The following FGF14 variants were observed in gnomAD, a reference collection of about 807,000 sequenced individuals.
FGF14 encodes the protein fibroblast growth factor homologous factor 4.
Under a neutral mutation model 25.5 loss-of-function variants are expected in FGF14, and 5 were observed. That is an observed-to-expected ratio of 0.20 (90% CI 0.10 to 0.41). The LOEUF is 0.41. FGF14 is among the 10% of genes least tolerant of loss of function. FGF14 has a pLI of 1.00. For missense variants in FGF14, 222 were observed against 320.1 expected, an observed-to-expected ratio of 0.69 and a Z score of 2.34; for synonymous variants, 138 against 118.3, an observed-to-expected ratio of 1.17 and a Z score of -1.08.
intron 1 of FGF14, among the ~76,000 whole-genome samples, chr13:101,897,810 C>T (rs1419335607): frequency 6.6e-6 from 1 of 152,188 alleles, no homozygotes; most frequent in Non-Finnish European, 1.5e-5. Context: ...GCTCCAAAAT[C>T]TGAAACTTCT....
At chr13:101,821,184 G>A (rs561020165) in intron 3 of FGF14, among the ~76,000 whole-genome samples, 2 of 152,086 alleles carry the variant, frequency 1.3e-5, no homozygotes, top group Non-Finnish European at 2.9e-5. Flanking sequence ...TCCTGACCTC[G>A]TGATCCACCC....
At chr13:101,828,056 A>G (rs1247080381) in intron 3 of FGF14, among the ~76,000 whole-genome samples, 1 of 152,054 alleles carries the variant, frequency 6.6e-6, no homozygotes, top group Admixed American at 6.6e-5. Context: ...AGTCATTCAA[A>G]TAAATAATTT....
chr13:102,325,813 A>ACT (rs111490986), intron 1 of FGF14, among the ~76,000 whole-genome samples: 6,281 of 152,254 alleles, frequency 0.041, 450 homozygotes, highest in African/African-American at 0.14. Flanking sequence ...GAAGGCACAG[A>ACT]ATTTTGCCTT....
At chr13:101,987,511 A>T (rs1043054140) in intron 1 of FGF14, among the ~76,000 whole-genome samples, 14 of 152,154 alleles carry the variant, frequency 9.2e-5, no homozygotes, top group African/African-American at 2.9e-4. Context: ...TTTCTAAAAC[A>T]TAGCAAGTTT....
intron 3 of FGF14, among the ~76,000 whole-genome samples, chr13:101,835,153 A>C (rs929598814): frequency 1.3e-5 from 2 of 152,066 alleles, no homozygotes; most frequent in Non-Finnish European, 2.9e-5. Flanking sequence ...AGATTGATAC[A>C]TTGGAGTTGG....
At chr13:101,981,082 AACACAC>A (rs58666555) in intron 1 of FGF14, among the ~76,000 whole-genome samples, 2,565 of 123,728 alleles carry the variant, frequency 0.021, 35 homozygotes, top group Middle Eastern at 0.045. Context: ...TCTCTACTAA[AACACAC>A]ACACACACAC....
At chr13:102,085,156 A>G (rs968610049) in intron 1 of FGF14, among the ~76,000 whole-genome samples, 1 of 152,050 alleles carries the variant, frequency 6.6e-6, no homozygotes, top group African/African-American at 2.4e-5. Flanking sequence ...TACTTTTTTG[A>G]TCAGTAAAAT....
chr13:102,193,477 A>T (rs964870957), intron 1 of FGF14, among the ~76,000 whole-genome samples: 1 of 152,168 alleles, frequency 6.6e-6, no homozygotes, highest in Non-Finnish European at 1.5e-5. Flanking sequence ...GACACCTGAA[A>T]AGGTCCTAAT....
intron 1 of FGF14, among the ~76,000 whole-genome samples, chr13:101,989,370 G>C (rs998828840): frequency 6.6e-6 from 1 of 152,108 alleles, no homozygotes; most frequent in Admixed American, 6.5e-5. Flanking sequence ...TTATCCATGA[G>C]TTTTTAGTTT....
chr13:101,755,007 C>G (rs1854307), intron 3 of FGF14, among the ~76,000 whole-genome samples: 121,455 of 152,018 alleles, frequency 0.8, 48,949 homozygotes, highest in East Asian at 0.96. Flanking sequence ...AACATTGTTG[C>G]AAGAAAACAG....
intron 1 of FGF14, among the ~76,000 whole-genome samples, chr13:102,043,778 G>C (rs1207007199): frequency 6.6e-6 from 1 of 152,028 alleles, no homozygotes; most frequent in Non-Finnish European, 1.5e-5. Context: ...TTGATCTTGG[G>C]CAAGCCATTT....
At chr13:101,999,069 A>G (rs752332156) in intron 1 of FGF14, among the ~76,000 whole-genome samples, 4 of 152,218 alleles carry the variant, frequency 2.6e-5, no homozygotes, top group Admixed American at 6.5e-5. Context: ...AAATGCTAAG[A>G]CTAGGGAGAG....
chr13:101,729,748 A>T (rs1566827040), intron 3 of FGF14, among the ~76,000 whole-genome samples: 1 of 58,492 alleles, frequency 1.7e-5, no homozygotes, highest in Non-Finnish European at 3.3e-5. Context: ...AATTCTGTGA[A>T]AATCTCACCA....
intron 3 of FGF14, among the ~76,000 whole-genome samples, chr13:101,819,953 C>T (rs910765578): frequency 2.6e-5 from 4 of 152,132 alleles, no homozygotes; most frequent in African/African-American, 9.7e-5. Context: ...ACATGAGCCT[C>T]AACATTATAC....
At chr13:102,371,571 A>C (rs1472697378) in intron 1 of FGF14, among the ~76,000 whole-genome samples, 1 of 152,100 alleles carries the variant, frequency 6.6e-6, no homozygotes, top group African/African-American at 2.4e-5. Context: ...GTTGCATTAT[A>C]ATGTCAATAT....
chr13:102,385,005 A>G (rs1363485924), intron 1 of FGF14, among the ~76,000 whole-genome samples: 1 of 152,262 alleles, frequency 6.6e-6, no homozygotes, highest in Non-Finnish European at 1.5e-5. Context: ...TTAGGAGACT[A>G]TAAGGTAAAA....
At chr13:102,070,643 T>G (rs2043115709) in intron 1 of FGF14, among the ~76,000 whole-genome samples, 2 of 152,218 alleles carry the variant, frequency 1.3e-5, no homozygotes, top group Admixed American at 1.3e-4. Flanking sequence ...GTGTCCATCA[T>G]CAGATGAATG....
intron 1 of FGF14, among the ~76,000 whole-genome samples, chr13:102,018,280 T>C (rs1417012342): frequency 6.6e-6 from 1 of 152,154 alleles, no homozygotes; most frequent in Non-Finnish European, 1.5e-5. Context: ...GTACACCACC[T>C]GGTGTTTCAC....
chr13:102,053,437 C>A (rs1289442785), intron 1 of FGF14, among the ~76,000 whole-genome samples: 1 of 151,956 alleles, frequency 6.6e-6, no homozygotes, highest in Non-Finnish European at 1.5e-5. Context: ...AGAAAATTCA[C>A]AAACATATGG....
Sources: gnomAD v4.1 joint callset for allele counts (sites outside exome capture counted in the v4.1 genomes callset) on GRCh38, gnomAD v4.1.1 for gene constraint, MANE v1.5 for transcripts, NCBI Gene and HGNC (gene_info 2026-07-23, HGNC 2026-07-21) for gene names.